The following CFH variants were observed in gnomAD, a reference collection of about 807,000 sequenced individuals.
CFH encodes H factor 1 (complement).
A neutral mutation model predicts 147.3 loss-of-function variants in CFH; 53 were observed. The observed-to-expected ratio is 0.36, with a 90% CI of 0.29 to 0.45. CFH has a LOEUF of 0.45. CFH is among the 20% of genes least tolerant of loss of function. The pLI is 1.00. For missense variants in CFH, 1,380 were observed against 1,498.0 expected (o/e 0.92, Z 1.30); for synonymous variants, 536 against 489.4 (o/e 1.10, Z -1.26).
intron 9 of CFH, chr1:196,692,347 TC>T: frequency 1.3e-6 from 1 of 752,424 alleles, no homozygotes; most frequent in Non-Finnish European, 1.6e-6. Flanking sequence ...TGTCAGATGA[TC>T]CCATTACTTT....
intron 20 of CFH, among the ~76,000 whole-genome samples, chr1:196,745,459 T>C (rs949156472): frequency 3.9e-5 from 6 of 152,206 alleles, no homozygotes; most frequent in African/African-American, 9.6e-5. Flanking sequence ...AAAATTTTTG[T>C]CATACTTTTC....
chr1:196,740,746 T>A lies in CFH; in HGVS notation c.2910T>A (p.Ile970=). 6.2e-7 allele frequency: 1 copy of A among 1,614,076 alleles called. No homozygotes were observed. Among genetic ancestry groups the A allele is most frequent in the Non-Finnish European group, 8.5e-7 (1 of 1,179,980 alleles). Residue 970 remains isoleucine, a synonymous_variant, in exon 18 of 22, where the codon ATT becomes ATA. Transcript: ENST00000367429. ...GTTTTGGAATTGATGGGCCTGCAAT[T>A]GCAAAATGCTTAGGAGAAAAATGGT... ...FEGFGIDGPA[I]AKCLGEKWSH...
At chr1:196,708,852 T>A (rs544828264) in intron 9 of CFH, among the ~76,000 whole-genome samples, 2 of 152,138 alleles carry the variant, frequency 1.3e-5, no homozygotes, top group Non-Finnish European at 2.9e-5. Context: ...TATCAATATA[T>A]CTGGTGGCAG....
chr1:196,719,980 T>A (rs1388444540), intron 11 of CFH, among the ~76,000 whole-genome samples: 1 of 151,798 alleles, frequency 6.6e-6, no homozygotes, highest in Non-Finnish European at 1.5e-5. Context: ...TTTTCCTTGA[T>A]TACATTAAAC....
At chr1:196,719,031 C>T (rs1351144964) in intron 11 of CFH, among the ~76,000 whole-genome samples, 1 of 151,964 alleles carries the variant, frequency 6.6e-6, no homozygotes, top group African/African-American at 2.4e-5. Context: ...AAGGTTTCCA[C>T]AGAATTGTTA....
intron 11 of CFH, 75 bp from the exon 12 acceptor site, chr1:196,725,046 A>C: frequency 7.8e-7 from 1 of 1,284,560 alleles, no homozygotes; most frequent in South Asian, 1.3e-5. Context: ...ACCTCACTTT[A>C]TTGTGGCATA....
In CFH at chr1:196,731,116, A is replaced by C. The variant is rs1669270695; in HGVS notation, c.2413+2594A>C. Among the ~76,000 whole-genome samples the C allele has an allele frequency of 1.3e-5, 2 of 151,770 alleles. 1 individual carries two copies. The highest frequency in any genetic ancestry group is 4.2e-4 in the South Asian group (2 of 4,816). Reference sequence around the variant, plus strand: ...TAAGGATTTATAGTGGTAATTTGTTAATTGTGTTCTGGTTGTTTTTAAAAT... The same window carrying C: ...TAAGGATTTATAGTGGTAATTTGTTCATTGTGTTCTGGTTGTTTTTAAAAT... On this transcript the variant is annotated intron_variant, in intron 15 of 21. Coordinates refer to ENST00000367429, the MANE Select transcript of CFH (RefSeq NM_000186.4).
rs371768180 is a variant in CFH at position 196,726,518 on chromosome 1, T to C, written c.1922T>C (p.Val641Ala). 9.4e-5 allele frequency: 152 copies of C among 1,613,044 alleles called. No homozygotes were observed. The highest frequency in any genetic ancestry group is 1.2e-4 in the Non-Finnish European group (146 of 1,179,276). The change falls in exon 13 of 22, where the codon GTT becomes GCT. Residue 641 changes from valine to alanine, a missense_variant. Val to Ala is a moderately conservative substitution (Grantham distance 64, BLOSUM62 0). Transcript: ENST00000367429. ...CCTCCTGAACTCCTCAATGGGAATGTTAAGGAAAAAACGAAAGAAGAATAT... is the reference window on the plus strand; with the variant it reads ...CCTCCTGAACTCCTCAATGGGAATGCTAAGGAAAAAACGAAAGAAGAATAT... ...GPPPELLNGNVKEKTKEEYGH... is the reference protein window; with the variant it reads ...GPPPELLNGNAKEKTKEEYGH...
chr1:196,732,933 T>A (rs1199703668), intron 15 of CFH, among the ~76,000 whole-genome samples: 1 of 152,118 alleles, frequency 6.6e-6, no homozygotes, highest in Admixed American at 6.6e-5. Context: ...CATGCTCTGA[T>A]CCTGAAGAGG....
At chr1:196,739,924 G>A (rs1652752088) in intron 17 of CFH, among the ~76,000 whole-genome samples, 1 of 152,280 alleles carries the variant, frequency 6.6e-6, no homozygotes, top group Admixed American at 6.5e-5. Flanking sequence ...ATTCCACATG[G>A]CTGGGAGGCC....
Position 196,679,747 on chromosome 1 carries a change from T to G in CFH, c.744T>G (p.Asp248Glu). ...NMGYEYSERGDAVCTESGWRP... is the reference protein window; with the variant it reads ...NMGYEYSERGEAVCTESGWRP... ...GTTATGAATACAGTGAAAGAGGAGA[T>G]GCTGTATGCACTGAATCTGGATGGC... Residue 248 changes from aspartate to glutamate, a missense_variant, in exon 6 of 22, where the codon GAT becomes GAG. By Grantham distance (45) the Asp-to-Glu change is conservative. This residue lies in a region of CFH where 167 missense variants were observed against 228.0 expected (regional missense o/e 0.73). Transcript: ENST00000367429. 6.2e-7 allele frequency: 1 copy of G among 1,611,922 alleles called. No homozygotes were observed. Among genetic ancestry groups the G allele is most frequent in the South Asian group, 1.1e-5 (1 of 91,002 alleles).
At chr1:196,685,337 T>A in intron 7 of CFH, 100 bp downstream of exon 7, 1 of 1,231,326 alleles carries the variant, frequency 8.1e-7, no homozygotes, top group Non-Finnish European at 1.2e-6. Flanking sequence ...TGTCTTATTG[T>A]ATATACAAAG....
intron 6 of CFH, among the ~76,000 whole-genome samples, chr1:196,682,650 T>C (rs919989668): frequency 1.3e-5 from 2 of 151,466 alleles, no homozygotes; most frequent in Non-Finnish European, 3.0e-5. Context: ...GAAAATATGA[T>C]AGAGAAGAAT....
chr1:196,726,386 A>T, intron 12 of CFH, 84 bp from the exon 13 acceptor site: 1 of 1,071,794 alleles, frequency 9.3e-7, no homozygotes, highest in East Asian at 2.6e-5. Context: ...CATGAATAAA[A>T]GAAGAAAATC....
intron 1 of CFH, among the ~76,000 whole-genome samples, chr1:196,662,173 T>G (rs536936911): frequency 6.6e-6 from 1 of 152,302 alleles, no homozygotes; most frequent in South Asian, 2.1e-4. Context: ...GGCAACATAT[T>G]TTCTCACCAA....
intron 9 of CFH, among the ~76,000 whole-genome samples, chr1:196,699,897 C>A (rs559511936): frequency 6.6e-6 from 1 of 152,300 alleles, no homozygotes; most frequent in East Asian, 1.9e-4. Context: ...CATTGACCCA[C>A]TTCCTTATAG....
chr1:196,652,622 A>T (rs1182334770), intron 1 of CFH, among the ~76,000 whole-genome samples: 1 of 151,854 alleles, frequency 6.6e-6, no homozygotes, highest in Non-Finnish European at 1.5e-5. Flanking sequence ...ATAAAAATTC[A>T]TTTATCATTT....
chr1:196,698,094 T>C (rs539319231), intron 9 of CFH, among the ~76,000 whole-genome samples: 2 of 152,044 alleles, frequency 1.3e-5, no homozygotes, highest in East Asian at 1.9e-4. Flanking sequence ...CCATGGCACA[T>C]GTATACATAT....
intron 9 of CFH, among the ~76,000 whole-genome samples, chr1:196,704,620 C>T (rs531166836): frequency 2.6e-5 from 4 of 152,290 alleles, no homozygotes; most frequent in Non-Finnish European, 5.9e-5. Context: ...ACTGCATCTC[C>T]AGTACAAGTC....
Sources: gnomAD v4.1 joint callset for allele counts (sites outside exome capture counted in the v4.1 genomes callset) on GRCh38, gnomAD v4.1.1 for gene constraint, gnomAD v4.1.1 regional missense constraint, MANE v1.5 for transcripts, NCBI Gene and HGNC (gene_info 2026-07-23, HGNC 2026-07-21) for gene names.